Variants in STRBP observed in about 807,000 individuals in gnomAD.
The protein encoded by STRBP is spermatid perinuclear RNA binding protein, also known as spermatid perinuclear RNA-binding protein.
In STRBP, 13 loss-of-function variants were observed where a neutral mutation model predicts 80.1. The observed-to-expected ratio is 0.16, with a 90% confidence interval of 0.11 to 0.26. The LOEUF is 0.26. Among genes scored for constraint, STRBP ranks in the 10% least tolerant of loss-of-function variants. The pLI, the probability that STRBP is intolerant of heterozygous loss-of-function variation, is 1.00. For synonymous variants in STRBP, 284 were observed against 291.2 expected (o/e 0.98, Z 0.25); for missense variants, 485 against 815.2 (o/e 0.59, Z 4.93).
intron 2 of STRBP, among the ~76,000 whole-genome samples, chr9:123,227,850 C>G (rs1255778311): frequency 6.6e-6 from 1 of 152,150 alleles, no homozygotes; most frequent in East Asian, 1.9e-4. Flanking sequence ...CAGGCCACTG[C>G]ACCCGGCCTG....
chr9:123,236,218 TTGG>T (rs1220588241), intron 2 of STRBP, among the ~76,000 whole-genome samples: 1 of 152,140 alleles, frequency 6.6e-6, no homozygotes, highest in Non-Finnish European at 1.5e-5. Flanking sequence ...AGCAAAATTA[TTGG>T]TGAAATTATA....
intron 1 of STRBP, among the ~76,000 whole-genome samples, chr9:123,259,480 G>A (rs1381660439): frequency 6.6e-6 from 1 of 152,212 alleles, no homozygotes; most frequent in Non-Finnish European, 1.5e-5. Context: ...GCCGAGGCGG[G>A]TGGATCACCT....
intron 11 of STRBP, among the ~76,000 whole-genome samples, chr9:123,154,817 G>A (rs761990210): frequency 3.3e-5 from 5 of 152,182 alleles, no homozygotes; most frequent in Non-Finnish European, 7.3e-5. Flanking sequence ...ATGGAGAAAA[G>A]AGAAAAGGGC....
intron 4 of STRBP, among the ~76,000 whole-genome samples, chr9:123,174,253 C>T (rs2038126371): frequency 6.6e-6 from 1 of 152,134 alleles, no homozygotes. Flanking sequence ...CTGGGCAACA[C>T]AGTAACACCC....
chr9:123,215,105 C>T (rs975641161), intron 2 of STRBP, among the ~76,000 whole-genome samples: 1 of 151,986 alleles, frequency 6.6e-6, no homozygotes, highest in Non-Finnish European at 1.5e-5. Context: ...CTTACTCTGT[C>T]ACCCAGGTTG....
At chr9:123,137,471 G>A (rs2036406373) in intron 14 of STRBP, among the ~76,000 whole-genome samples, 2 of 152,128 alleles carry the variant, frequency 1.3e-5, no homozygotes. Context: ...GTGCAGTGGT[G>A]CAATCTCGGC....
At chr9:123,155,900 G>A (rs982782528) in intron 11 of STRBP, among the ~76,000 whole-genome samples, 14 of 151,556 alleles carry the variant, frequency 9.2e-5, no homozygotes, top group Non-Finnish European at 1.8e-4. Flanking sequence ...GGTGCTAAAA[G>A]CATGAAAGTA....
chr9:123,116,203 T>TGCA (rs1217402362), intron 2 of STRBP: 20 of 425,150 alleles, frequency 4.7e-5, no homozygotes, highest in African/African-American at 3.3e-4. Context: ...AATGTGTTAC[T>TGCA]GTGACGGTGA....
At chr9:123,217,010 C>G (rs760557147) in intron 2 of STRBP, among the ~76,000 whole-genome samples, 4 of 152,310 alleles carry the variant, frequency 2.6e-5, no homozygotes, top group South Asian at 2.1e-4. Context: ...GTAAAAGATA[C>G]CTGCCTTATC....
intron 1 of STRBP, among the ~76,000 whole-genome samples, chr9:123,257,931 C>G (rs923245891): frequency 2.0e-5 from 3 of 151,544 alleles, no homozygotes; most frequent in African/African-American, 7.3e-5. Flanking sequence ...ATATCTATAT[C>G]TTTGTATATC....
At chr9:123,200,518 T>G (rs2039277820) in intron 2 of STRBP, among the ~76,000 whole-genome samples, 1 of 151,808 alleles carries the variant, frequency 6.6e-6, no homozygotes, top group African/African-American at 2.4e-5. Context: ...CTGGTAGAAT[T>G]CAGCTGTGAA....
At chr9:123,255,989 T>C (rs1183065777) in intron 1 of STRBP, among the ~76,000 whole-genome samples, 7 of 151,070 alleles carry the variant, frequency 4.6e-5, no homozygotes, top group African/African-American at 1.2e-4. Flanking sequence ...AGTTACCAAG[T>C]TGCAACAGTT....
chr9:123,179,295 A>T, intron 3 of STRBP, 68 bp from the exon 4 acceptor site: 1 of 1,379,682 alleles, frequency 7.2e-7, no homozygotes, highest in South Asian at 1.3e-5. Context: ...ATGATATACA[A>T]CTATATCTTT....
At position 123,237,796 on chromosome 9, in the gene STRBP, A is replaced by G. The variant is rs572304074; in HGVS notation, c.-301-830T>C. On this transcript the variant is annotated intron_variant, in intron 1 of 18. Transcript: ENST00000348403. ...TACAGCGGGAGAAAGGTGCAACTAT[A>G]AAATCCCAAACAGGCACAAGCTTTT... Among the ~76,000 whole-genome samples the G allele has an allele frequency of 3.3e-5, 5 of 152,300 alleles. No individual in the cohort carries two copies. The East Asian group carries it at 9.6e-4, about 29-fold the overall frequency.
intron 2 of STRBP, among the ~76,000 whole-genome samples, chr9:123,220,322 C>A (rs1163762487): frequency 1.3e-5 from 2 of 152,292 alleles, no homozygotes; most frequent in East Asian, 3.9e-4. Flanking sequence ...GCCTTCTATA[C>A]ACCTAGGTTA....
chr9:123,234,637 T>C (rs1324722938), intron 2 of STRBP, among the ~76,000 whole-genome samples: 1 of 152,144 alleles, frequency 6.6e-6, no homozygotes, highest in Non-Finnish European at 1.5e-5. Flanking sequence ...TAATAGTATA[T>C]AAAGTGCCTA....
intron 2 of STRBP, among the ~76,000 whole-genome samples, chr9:123,186,031 C>CAAA (rs745615075): frequency 0.015 from 1,657 of 110,720 alleles, 66 homozygotes; most frequent in African/African-American, 0.055. Flanking sequence ...GACTCCGTCT[C>CAAA]AAAAAAAAAA....
intron 2 of STRBP, among the ~76,000 whole-genome samples, chr9:123,208,180 C>T (rs1204393625): frequency 6.7e-6 from 1 of 149,448 alleles, no homozygotes; most frequent in African/African-American, 2.5e-5. Flanking sequence ...GGGGAGTAAA[C>T]AAGACATTCA....
chr9:123,204,842 T>C (rs2132518003), intron 2 of STRBP, among the ~76,000 whole-genome samples: 1 of 138,982 alleles, frequency 7.2e-6, no homozygotes, highest in East Asian at 2.1e-4. Flanking sequence ...GAAAATGATG[T>C]GAACCCGGAA....
Sources: gnomAD v4.1 joint callset for allele counts (sites outside exome capture counted in the v4.1 genomes callset) on GRCh38, gnomAD v4.1.1 for gene constraint, MANE v1.5 for transcripts, NCBI Gene and HGNC (gene_info 2026-07-23, HGNC 2026-07-21) for gene names.